RBFOX1: variants seen among roughly 807,000 people sequenced by gnomAD.
RBFOX1 encodes RNA binding protein fox-1 homolog 1.
RBFOX1 carries 8 observed loss-of-function variants against 57.7 expected under a neutral mutation model. The observed-to-expected ratio is 0.14, with a 90% confidence interval of 0.08 to 0.25. RBFOX1 has a LOEUF of 0.25. Ranked by LOEUF, RBFOX1 falls within the 10% of genes least tolerant of loss-of-function variation. RBFOX1 has a pLI of 1.00. For synonymous variants in RBFOX1, 326 were observed against 222.4 expected (o/e 1.47, Z -4.15); for missense variants, 611 against 548.5 (o/e 1.11, Z -1.14).
At chr16:6,501,131 CTTTTTTTTTTTT>C (rs1003003339) in intron 2 of RBFOX1, among the ~76,000 whole-genome samples, 5 of 107,914 alleles carry the variant, frequency 4.6e-5, no homozygotes, top group Non-Finnish European at 9.5e-5. Flanking sequence ...GTTAAACATT[CTTTTTTTTTTTT>C]TTTTTTTTTA....
chr16:7,080,160 C>G (rs1474279291), intron 4 of RBFOX1, among the ~76,000 whole-genome samples: 1 of 150,376 alleles, frequency 6.6e-6, no homozygotes, highest in Non-Finnish European at 1.5e-5. Flanking sequence ...ATTCCTCAGC[C>G]AAAAAGTAAA....
At chr16:6,842,896 C>T (rs1031823746) in intron 3 of RBFOX1, among the ~76,000 whole-genome samples, 4 of 152,014 alleles carry the variant, frequency 2.6e-5, no homozygotes, top group African/African-American at 9.7e-5. Flanking sequence ...TGTTCAACTC[C>T]GACTTATGAG....
chr16:7,000,626 G>C (rs1415224695), intron 3 of RBFOX1, among the ~76,000 whole-genome samples: 1 of 99,728 alleles, frequency 1.0e-5, no homozygotes, highest in African/African-American at 4.0e-5. Context: ...TTGAGACAGA[G>C]TCTCGCTCTC....
chr16:6,907,871 G>A (rs377019640), intron 3 of RBFOX1, among the ~76,000 whole-genome samples: 35 of 151,796 alleles, frequency 2.3e-4, no homozygotes, highest in African/African-American at 7.9e-4. Context: ...CCCATGCCCG[G>A]CCAGCTTCTG....
At chr16:5,703,467 G>A (rs2051125620) in intron 3 of RBFOX1, among the ~76,000 whole-genome samples, 1 of 152,204 alleles carries the variant, frequency 6.6e-6, no homozygotes, top group African/African-American at 2.4e-5. Context: ...GTGGCATGAG[G>A]CGAAGCCAGA....
intron 2 of RBFOX1, among the ~76,000 whole-genome samples, chr16:5,536,031 G>A (rs1348073378): frequency 6.6e-6 from 1 of 151,936 alleles, no homozygotes; most frequent in Non-Finnish European, 1.5e-5. Flanking sequence ...TTTCCTGACA[G>A]GGAATCTCTT....
At chr16:7,093,547 G>C (rs2061209116) in intron 4 of RBFOX1, among the ~76,000 whole-genome samples, 1 of 152,170 alleles carries the variant, frequency 6.6e-6, no homozygotes. Context: ...TTCAGGCAGA[G>C]GAATGATGAT....
At chr16:5,406,573 T>C (rs2066873589) in intron 1 of RBFOX1, among the ~76,000 whole-genome samples, 1 of 151,924 alleles carries the variant, frequency 6.6e-6, no homozygotes, top group Admixed American at 6.6e-5. Context: ...TCTCTCTCTT[T>C]ATTTCTCTCT....
chr16:6,728,229 G>T (rs916184602), intron 3 of RBFOX1, among the ~76,000 whole-genome samples: 1 of 152,206 alleles, frequency 6.6e-6, no homozygotes, highest in Non-Finnish European at 1.5e-5. Context: ...TGAAGCTTCT[G>T]CAGGACTGCT....
At chr16:7,523,595 G>A (rs2077997405) in intron 5 of RBFOX1, among the ~76,000 whole-genome samples, 1 of 152,148 alleles carries the variant, frequency 6.6e-6, no homozygotes, top group South Asian at 2.1e-4. Context: ...TGTTTGGATG[G>A]TACACACTCT....
At chr16:7,327,659 A>G (rs547806820) in intron 4 of RBFOX1, among the ~76,000 whole-genome samples, 11 of 152,326 alleles carry the variant, frequency 7.2e-5, no homozygotes, top group African/African-American at 2.6e-4. Context: ...GGTTGATCCT[A>G]CAGTGAGCTC....
At chr16:5,368,681 T>A (rs1012798660) in intron 1 of RBFOX1, among the ~76,000 whole-genome samples, 4 of 152,150 alleles carry the variant, frequency 2.6e-5, no homozygotes, top group Non-Finnish European at 5.9e-5. Flanking sequence ...TTAAAAAAAA[T>A]TCTGGCCTTT....
At chr16:6,117,456 C>G (rs112649382) in intron 1 of RBFOX1, among the ~76,000 whole-genome samples, 2,097 of 152,330 alleles carry the variant, frequency 0.014, 55 homozygotes, top group African/African-American at 0.048. Context: ...TCTGGTGTTG[C>G]CGATGTGATA....
intron 4 of RBFOX1, among the ~76,000 whole-genome samples, chr16:7,417,646 C>T (rs62015701): frequency 0.34 from 51,635 of 151,788 alleles, 10,770 homozygotes; most frequent in South Asian, 0.46. Flanking sequence ...CACAAAGATC[C>T]TAGGCTCTAC....
At chr16:6,533,596 TC>T (rs2096692011) in intron 2 of RBFOX1, among the ~76,000 whole-genome samples, 2 of 152,106 alleles carry the variant, frequency 1.3e-5, no homozygotes, top group South Asian at 4.1e-4. Context: ...TTTTTTTTTT[TC>T]CTTGAAAAAG....
At chr16:6,401,284 C>T (rs1227240591) in intron 2 of RBFOX1, among the ~76,000 whole-genome samples, 2 of 152,150 alleles carry the variant, frequency 1.3e-5, no homozygotes, top group African/African-American at 4.8e-5. Flanking sequence ...TAAATAATAG[C>T]AAGAGATTGG....
chr16:6,597,778 A>G (rs1384865261), intron 2 of RBFOX1, among the ~76,000 whole-genome samples: 2 of 152,194 alleles, frequency 1.3e-5, no homozygotes, highest in African/African-American at 2.4e-5. Context: ...GTTTAAAAGG[A>G]GCAAGCCACA....
intron 4 of RBFOX1, among the ~76,000 whole-genome samples, chr16:7,185,055 G>A (rs1000533861): frequency 4.6e-5 from 7 of 152,132 alleles, no homozygotes; most frequent in African/African-American, 1.7e-4. Context: ...ACTTGAAATT[G>A]TGCAGTAAGT....
intron 14 of RBFOX1, among the ~76,000 whole-genome samples, chr16:7,680,007 G>A (rs990358330): frequency 5.9e-5 from 9 of 152,160 alleles, no homozygotes; most frequent in African/African-American, 1.9e-4. Context: ...AAAGCCAACT[G>A]TCTGAACTTT....
Sources: gnomAD v4.1 joint callset for allele counts (sites outside exome capture counted in the v4.1 genomes callset) on GRCh38, gnomAD v4.1.1 for gene constraint, MANE v1.5 for transcripts, NCBI Gene and HGNC (gene_info 2026-07-23, HGNC 2026-07-21) for gene names.